POLR3C: variants seen among roughly 807,000 people sequenced by gnomAD.
POLR3C encodes DNA-directed RNA polymerase III subunit RPC3.
In POLR3C, 44 loss-of-function variants were observed where a neutral mutation model predicts 65.9. The observed-to-expected ratio is 0.67, with a 90% CI of 0.52 to 0.86. The LOEUF (loss-of-function observed/expected upper bound fraction) is 0.86, where lower values mean the gene tolerates loss of function less well. Ranked by LOEUF, POLR3C falls within the 40% of genes least tolerant of loss-of-function variation. The pLI is 0.00. For missense variants in POLR3C, 576 were observed against 653.2 expected (o/e 0.88, Z 1.29); for synonymous variants, 263 against 231.6 (o/e 1.14, Z -1.23).
At chr1:145,841,370 C>T (rs1652282499) in intron 14 of POLR3C, among the ~76,000 whole-genome samples, 1 of 152,218 alleles carries the variant, frequency 6.6e-6, no homozygotes, top group Admixed American at 6.5e-5. Flanking sequence ...AAACAGTCTT[C>T]CTGCCTCAGC....
chr1:145,833,748 C>G (rs1651546667), intron 7 of POLR3C, among the ~76,000 whole-genome samples, 166 bp downstream of exon 7: 1 of 149,428 alleles, frequency 6.7e-6, no homozygotes, highest in African/African-American at 2.5e-5. Flanking sequence ...AATGTTTGGT[C>G]TCTTAGGATC....
At chr1:145,828,196 G>T (rs1221868076) in intron 4 of POLR3C, among the ~76,000 whole-genome samples, 1 of 152,202 alleles carries the variant, frequency 6.6e-6, no homozygotes, top group East Asian at 1.9e-4. Context: ...CTAGGCAGGG[G>T]TCTGATCTCA....
chr1:145,825,664 G>T, intron 1 of POLR3C, 93 bp from the exon 2 acceptor site: 2 of 648,272 alleles, frequency 3.1e-6, no homozygotes, highest in East Asian at 2.9e-5. Context: ...TTGTCAAATT[G>T]CCCTCCAGAA....
rs148666441 is a variant in POLR3C, at chr1:145,841,864, A to G, written c.1524-475A>G. On this transcript the variant is annotated intron_variant, in intron 14 of 14. Coordinates refer to ENST00000334163, the MANE Select transcript of POLR3C (RefSeq NM_006468.8). ...GTAAAAGGTTGAATAGAAGTACAAA[A>G]GCAGACATCTTTGTTTTGTTTCTGA... Among the ~76,000 whole-genome samples, 1,302 of 152,194 alleles carry G rather than the reference A, an allele frequency of 8.6e-3. 11 individuals carry two copies. The highest frequency in any genetic ancestry group is 0.014 in the Non-Finnish European group (952 of 68,006).
At chr1:145,841,216 T>A (rs1196411566) in intron 14 of POLR3C, 145 bp downstream of exon 14, 2 of 691,772 alleles carry the variant, frequency 2.9e-6, no homozygotes, top group Non-Finnish European at 5.1e-6. Flanking sequence ...TCCACCTATT[T>A]TTGTAAACTA....
At position 145,833,576 on chromosome 1, in the gene POLR3C, C is replaced by CAATGAGGTG; in HGVS notation, c.872_876+4dup. 1 of 1,595,524 alleles carries CAATGAGGTG rather than the reference C, an allele frequency of 6.3e-7. No individual in the cohort carries two copies. The highest frequency in any genetic ancestry group is 8.6e-7 in the Non-Finnish European group (1 of 1,163,010). ...CTCCCTTCACCCAGCCATTGTCTTC[C>CAATGAGGTG]AATGAGGTGAGTTTCATGTTCTTGC... On this transcript the variant is annotated inframe_insertion, in exon 7 of 15. Coordinates refer to ENST00000334163, the MANE Select transcript of POLR3C (RefSeq NM_006468.8).
At chr1:145,832,282 A>G (rs1300964886) in intron 5 of POLR3C, among the ~76,000 whole-genome samples, 1 of 152,224 alleles carries the variant, frequency 6.6e-6, no homozygotes, top group Non-Finnish European at 1.5e-5. Context: ...TAGAGATACA[A>G]CTGAGATGGC....
Position 145,843,373 on chromosome 1 carries a change from A to ACAT in POLR3C, c.*953_*954insCAT, listed in dbSNP as rs1478407193. On this transcript the variant is annotated 3_prime_UTR_variant, in exon 15 of 15. Coordinates refer to ENST00000334163, the MANE Select transcript of POLR3C (RefSeq NM_006468.8). ...CAGCTTTAATTCATTTAAAGCAGTT[A>ACAT]GATGTTTTATAATATCTTCAGTTTT... Among the ~76,000 whole-genome samples the ACAT allele has an allele frequency of 7.1e-5, 9 of 126,714 alleles. No homozygotes were observed. Among genetic ancestry groups the ACAT allele is most frequent in the Non-Finnish European group, 1.0e-4 (6 of 57,850 alleles). 83.1% of individuals were successfully genotyped at this position (126,714 alleles called of 152,430 possible). A position where few individuals can be genotyped will look rare whatever the true frequency, so the allele number is the denominator to read the frequency against.
chr1:145,843,502 C>A lies in POLR3C; in HGVS notation c.*1082C>A, dbSNP rs1553731257. ...CAAGGATAGATAAATAAGACACCAT[C>A]TCTGCCCTCAAGCCAGTCACCATCA... On this transcript the variant is annotated 3_prime_UTR_variant, in exon 15 of 15. Transcript: ENST00000334163. 6.6e-6 allele frequency among the ~76,000 whole-genome samples: 1 copy of A among 152,202 alleles called. No homozygotes were observed. The highest frequency in any genetic ancestry group is 1.5e-5 in the Non-Finnish European group (1 of 68,038).
Position 145,833,529 on chromosome 1 carries a change from G to A in POLR3C, c.823G>A (p.Glu275Lys). ...EIVRTMLRMS[E>K]ITTSSSAPFT... Reference sequence around the variant, plus strand: ...TGTGCGAACCATGCTCCGAATGAGTGAGATTACCACTTCCTCTAGTGCTCC... The same window carrying A: ...TGTGCGAACCATGCTCCGAATGAGTAAGATTACCACTTCCTCTAGTGCTCC... Residue 275 changes from glutamate to lysine, a missense_variant, in exon 7 of 15, where the codon GAG (glutamate) becomes AAG (lysine). Physicochemically the swap from Glu to Lys is moderately conservative, Grantham distance 56. Transcript: ENST00000334163. The A allele has an allele frequency of 6.2e-7, 1 of 1,613,812 alleles. No homozygotes were observed. The highest frequency in any genetic ancestry group is 8.5e-7 in the Non-Finnish European group (1 of 1,179,684).
chr1:145,825,646 G>C (rs1650668152), intron 1 of POLR3C, 111 bp from the exon 2 acceptor site: 1 of 553,772 alleles, frequency 1.8e-6, no homozygotes, highest in South Asian at 3.3e-5. Flanking sequence ...AAGGCTTTTT[G>C]ATATGTATTG....
chr1:145,837,939 C>A, intron 10 of POLR3C, 117 bp from the exon 11 acceptor site: 2 of 890,494 alleles, frequency 2.2e-6, no homozygotes, highest in Non-Finnish European at 3.5e-6. Context: ...ATTTTCTGAT[C>A]ACTGTTCCTG....
Position 145,838,142 on chromosome 1 carries a change from T to C in POLR3C, c.1157T>C (p.Ile386Thr). Residue 386 changes from isoleucine to threonine, a missense_variant, in exon 11 of 15, where the codon ATT becomes ACT. Ile to Thr is a moderately conservative substitution (Grantham distance 89, BLOSUM62 -1). Transcript: ENST00000334163. ...AAGCAAGTGGAAGACTTTGCAATGA[T>C]TCCTGCAAAGGAGGCAAAGGATATG... ...EQKQVEDFAM[I>T]PAKEAKDMLY... 1.2e-6 allele frequency: 2 copies of C among 1,613,810 alleles called. No homozygotes were observed. The highest frequency in any genetic ancestry group is 4.5e-5 in the East Asian group (2 of 44,884).
At position 145,833,377 on chromosome 1, in the gene POLR3C, T is replaced by A; in HGVS notation, c.783+13T>A. On this transcript the variant is annotated intron_variant, in intron 6 of 14. Transcript: ENST00000334163. The stretch of plus-strand genomic sequence containing the variant: ...CAGGATGGACCAGGTAATACCTAAG[T>A]GGGTCTGTCATTGGTCATCAGGGAC... 1 of 1,577,558 alleles carries A rather than the reference T, an allele frequency of 6.3e-7. No individual in the cohort carries two copies. Among genetic ancestry groups the A allele is most frequent in the Non-Finnish European group, 8.7e-7 (1 of 1,146,944 alleles).
Position 145,833,356 on chromosome 1 carries a change from A to T in POLR3C, c.775A>T (p.Met259Leu), listed in dbSNP as rs1553727718. ...QAIVSAVANR[M>L]DQTSSEIVRT... is the part of the protein sequence containing the mutation. ...CATTGTGAGCGCAGTTGCTAACAGG[A>T]TGGACCAGGTAATACCTAAGTGGGT... is the stretch of plus-strand genomic sequence containing the variant. The change falls in exon 6 of 15, where the codon ATG becomes TTG. Residue 259 changes from methionine (M) to leucine (L), a missense_variant. By Grantham distance (15) the Met-to-Leu change is conservative. Transcript: ENST00000334163. 2 of 1,606,836 alleles carry T rather than the reference A, an allele frequency of 1.2e-6. No homozygotes were observed. Among genetic ancestry groups the T allele is most frequent in the African/African-American group, 1.3e-5 (1 of 74,912 alleles).
At position 145,842,793 on chromosome 1, in the gene POLR3C, T is replaced by TGATAGATAGATAGATAGATAGACA. The variant is rs1553730971; in HGVS notation, c.*395_*396insCAGATAGATAGATAGATAGATAGA. Among the ~76,000 whole-genome samples, 8 of 142,416 alleles carry TGATAGATAGATAGATAGATAGACA rather than the reference T, an allele frequency of 5.6e-5. No individual in the cohort carries two copies. The Middle Eastern group carries it at 0.01, about 184-fold the overall frequency. 93.4% of individuals were successfully genotyped at this position (142,416 alleles called of 152,430 possible). A position where few individuals can be genotyped will look rare whatever the true frequency, so the allele number is the denominator to read the frequency against. The stretch of plus-strand genomic sequence containing the variant: ...CTGTTCTTTATTTTGTTGAGATAGG[T>TGATAGATAGATAGATAGATAGACA]GATAGATAGATAGATAGATAGATAA... On this transcript the variant is annotated 3_prime_UTR_variant, in exon 15 of 15. Transcript: ENST00000334163.
chr1:145,837,176 T>C lies in POLR3C; in HGVS notation c.1009+310T>C, dbSNP rs189545828. Among the ~76,000 whole-genome samples, 397 of 152,098 alleles carry C rather than the reference T, an allele frequency of 2.6e-3. 1 individual carries two copies. The highest frequency in any genetic ancestry group is 8.1e-3 in the African/African-American group (334 of 41,472). ...TACAAAAACTAGCCAGCTGTAACGA[T>C]GCATGCTTGTAGTCCAGCTCCTCAG... On this transcript the variant is annotated intron_variant, in intron 9 of 14. Transcript: ENST00000334163.
Position 145,839,928 on chromosome 1 carries a change from C to G in POLR3C, c.1260C>G (p.Thr420=), listed in dbSNP as rs370202413. 3.1e-6 allele frequency: 5 copies of G among 1,611,248 alleles called. No individual in the cohort carries two copies. Among genetic ancestry groups the G allele is most frequent in the Non-Finnish European group, 4.2e-6 (5 of 1,177,596 alleles). Residue 420 remains threonine, a synonymous_variant, in exon 12 of 15, where the codon ACC becomes ACG. Coordinates refer to ENST00000334163, the MANE Select transcript of POLR3C (RefSeq NM_006468.8). ...PKTPDHAPSR[T]FYLYTVNILS... is the part of the protein sequence containing the mutation. ...CACCAGACCATGCCCCATCCAGGACCTTCTATTTATATACTGTGAACATCC... is the reference window on the plus strand; with the variant it reads ...CACCAGACCATGCCCCATCCAGGACGTTCTATTTATATACTGTGAACATCC...
chr1:145,841,443 G>C (rs1377775376), intron 14 of POLR3C, among the ~76,000 whole-genome samples: 1 of 152,196 alleles, frequency 6.6e-6, no homozygotes, highest in Non-Finnish European at 1.5e-5. Flanking sequence ...CTTGAGTCAT[G>C]TGTCTCAAAT....
Sources: allele counts gnomAD v4.1 joint callset (sites outside exome capture counted in the v4.1 genomes callset), GRCh38; gene constraint gnomAD v4.1.1; transcripts MANE v1.5; gene names NCBI Gene and HGNC (gene_info 2026-07-23, HGNC 2026-07-21).